ZNF527: variants seen among roughly 807,000 people sequenced by gnomAD.
ZNF527 encodes zinc finger protein 527.
ZNF527 carries 5 observed loss-of-function variants against 13.5 expected under a neutral mutation model. The ratio of observed to expected loss-of-function variants is 0.37; its 90% confidence interval spans 0.19 to 0.78. The LOEUF (loss-of-function observed/expected upper bound fraction) is 0.78, where lower values mean the gene tolerates loss of function less well. ZNF527 is among the 30% of genes least tolerant of loss of function. The probability of loss-of-function intolerance (pLI) is 0.48; values close to 1 mark genes in which losing one functional copy is unlikely to be tolerated. For synonymous variants in ZNF527, 209 were observed against 243.1 expected, an observed-to-expected ratio of 0.86 and a Z score of 1.30; for missense variants, 628 against 726.4, an observed-to-expected ratio of 0.86 and a Z score of 1.56.
chr19:37,375,444 C>T (rs766801299), intron 2 of ZNF527, among the ~76,000 whole-genome samples: 4 of 150,944 alleles, frequency 2.6e-5, no homozygotes, highest in Non-Finnish European at 5.9e-5. Context: ...TCACTGCAGC[C>T]TCTGCCTCCT....
In ZNF527 at chr19:37,374,697, G is replaced by A. The variant is rs545368384; in HGVS notation, c.33+466G>A. Among the ~76,000 whole-genome samples, 122 of 152,356 alleles carry A rather than the reference G, an allele frequency of 8.0e-4. 4 individuals carry two copies. In the South Asian group the frequency reaches 0.023, roughly 29 times the overall value. ...AGGAATAGCAATGAGTCTGTCCTTG[G>A]AGGGAAATGAGCACTGTGATGTCAG... On this transcript the variant is annotated intron_variant, in intron 2 of 4. Transcript: ENST00000436120.
intron 2 of ZNF527, 38 bp from the exon 3 acceptor site, chr19:37,379,082 G>T (rs774262457): frequency 1.2e-6 from 2 of 1,613,846 alleles, no homozygotes; most frequent in South Asian, 2.2e-5. Context: ...CCATATAGGT[G>T]TCTGGGCACC....
intron 4 of ZNF527, 44 bp from the exon 5 acceptor site, chr19:37,388,262 A>T: frequency 6.3e-7 from 1 of 1,576,808 alleles, no homozygotes; most frequent in Non-Finnish European, 8.6e-7. Context: ...TCTTCCTCAT[A>T]GCAAAAGAAC....
At chr19:37,375,740 C>A (rs61290534) in intron 2 of ZNF527, among the ~76,000 whole-genome samples, 12,087 of 151,894 alleles carry the variant, frequency 0.08, 725 homozygotes, top group African/African-American at 0.17. Context: ...GGAAAGAGAT[C>A]GAAGGACTGG....
intron 4 of ZNF527, chr19:37,385,353 C>A (rs1254696308): frequency 2.5e-6 from 1 of 399,926 alleles, no homozygotes; most frequent in Non-Finnish European, 4.4e-6. Context: ...TCACTGTGTT[C>A]TCTGTGTCTT....
chr19:37,391,807 CTTT>C lies in ZNF527; in HGVS notation c.*1932_*1934del, dbSNP rs1195524607. ...GATGAAGGTGTAGGGCAATACGTTT[CTTT>C]TTTATCTGAGTGGATATAGGGAAAT... On this transcript the variant is annotated 3_prime_UTR_variant, in exon 5 of 5. Coordinates refer to ENST00000436120, the MANE Select transcript of ZNF527 (RefSeq NM_032453.2). The C allele has an allele frequency of 6.6e-6, 1 of 152,020 alleles. No individual in the cohort carries two copies. Among genetic ancestry groups the C allele is most frequent in the Non-Finnish European group, 1.5e-5 (1 of 67,986 alleles). 9.4% of individuals were successfully genotyped at this position (152,020 alleles called of 1,614,324 possible).
intron 4 of ZNF527, chr19:37,385,279 A>G (rs1316228304): frequency 2.3e-6 from 1 of 436,882 alleles, no homozygotes; most frequent in African/African-American, 2.0e-5. Flanking sequence ...TTCAAGGTTA[A>G]TGTCAAATTC....
In ZNF527 at chr19:37,378,993, G is replaced by A. The variant is rs887936421; in HGVS notation, c.34-127G>A. On this transcript the variant is annotated intron_variant, in intron 2 of 4. Coordinates refer to ENST00000436120, the MANE Select transcript of ZNF527 (RefSeq NM_032453.2). Reference sequence around the variant, plus strand: ...TAAAGTATTTGACAAACCTCAGCATGTAATTGTTCTCCAATAATTATTTTC... The same window carrying A: ...TAAAGTATTTGACAAACCTCAGCATATAATTGTTCTCCAATAATTATTTTC... 31 of 1,002,798 alleles carry A rather than the reference G, an allele frequency of 3.1e-5. No individual in the cohort carries two copies. The East Asian group carries it at 4.6e-4, about 15-fold the overall frequency. The allele number at this position is 1,002,798 out of a possible 1,614,324, so 62.1% of individuals were successfully genotyped here. A position where few individuals can be genotyped will look rare whatever the true frequency, so the allele number is the denominator to read the frequency against.
At chr19:37,385,750 A>G (rs2040692550) in intron 4 of ZNF527, 1 of 157,136 alleles carries the variant, frequency 6.4e-6, no homozygotes, top group African/African-American at 2.4e-5. Context: ...TCCTTAGAAG[A>G]ATTTCGTAAC....
intron 2 of ZNF527, among the ~76,000 whole-genome samples, chr19:37,377,214 T>A (rs2040615365): frequency 6.6e-6 from 1 of 152,110 alleles, no homozygotes; most frequent in African/African-American, 2.4e-5. Flanking sequence ...GTGAGAATAG[T>A]TGGTAGTAAA....
intron 4 of ZNF527, among the ~76,000 whole-genome samples, chr19:37,384,209 T>C (rs1186792333): frequency 6.6e-6 from 1 of 151,984 alleles, no homozygotes; most frequent in Admixed American, 6.6e-5. Flanking sequence ...TCCCAGCTAC[T>C]CAGAAGGCTG....
chr19:37,380,533 T>C (rs2040645809), intron 4 of ZNF527, among the ~76,000 whole-genome samples, 161 bp downstream of exon 4: 1 of 152,228 alleles, frequency 6.6e-6, no homozygotes, highest in Non-Finnish European at 1.5e-5. Flanking sequence ...TCTTTTTCTT[T>C]CCATCAAATT....
chr19:37,379,078 A>G, intron 2 of ZNF527, 42 bp from the exon 3 acceptor site: 3 of 1,613,676 alleles, frequency 1.9e-6, no homozygotes, highest in Non-Finnish European at 2.5e-6. Context: ...AGGACCATAT[A>G]GGTGTCTGGG....
intron 4 of ZNF527, among the ~76,000 whole-genome samples, chr19:37,381,196 G>C (rs991518477): frequency 6.6e-6 from 1 of 152,016 alleles, no homozygotes; most frequent in Non-Finnish European, 1.5e-5. Flanking sequence ...ATAATGACTT[G>C]GGAATTTTGT....
chr19:37,376,682 CAAAAAAAAAAAA>C (rs35179002), intron 2 of ZNF527, among the ~76,000 whole-genome samples: 9 of 48,540 alleles, frequency 1.9e-4, no homozygotes, highest in African/African-American at 7.7e-4. Context: ...ACTCCATCTC[CAAAAAAAAAAAA>C]AAAAAAAAAA....
At chr19:37,382,631 T>C (rs762729853) in intron 4 of ZNF527, among the ~76,000 whole-genome samples, 2 of 152,252 alleles carry the variant, frequency 1.3e-5, no homozygotes, top group African/African-American at 4.8e-5. Flanking sequence ...TTGTATATAG[T>C]ACTTTTTGTT....
intron 2 of ZNF527, among the ~76,000 whole-genome samples, chr19:37,376,157 A>G (rs1296037466): frequency 6.6e-6 from 1 of 152,016 alleles, no homozygotes; most frequent in Non-Finnish European, 1.5e-5. Context: ...AGGGCAACAC[A>G]GGGAGACTCC....
At chr19:37,376,533 G>C (rs2040609049) in intron 2 of ZNF527, among the ~76,000 whole-genome samples, 1 of 151,854 alleles carries the variant, frequency 6.6e-6, no homozygotes, top group South Asian at 2.1e-4. Flanking sequence ...AATCAGCCAG[G>C]TGTGGTAGCG....
Position 37,391,818 on chromosome 19 carries a change from G to C in ZNF527, c.*1939G>C, listed in dbSNP as rs1009986967. ...AGGGCAATACGTTTCTTTTTTATCT[G>C]AGTGGATATAGGGAAATAAACTGGT... On this transcript the variant is annotated 3_prime_UTR_variant, in exon 5 of 5. Transcript: ENST00000436120. 20 of 152,110 alleles carry C rather than the reference G, an allele frequency of 1.3e-4. No homozygotes were observed. The highest frequency in any genetic ancestry group is 2.4e-4 in the Non-Finnish European group (16 of 68,020). The allele number at this position is 152,110 out of a possible 1,614,324, so 9.4% of individuals were successfully genotyped here.
Sources: gnomAD v4.1 joint callset for allele counts (sites outside exome capture counted in the v4.1 genomes callset) on GRCh38, gnomAD v4.1.1 for gene constraint, MANE v1.5 for transcripts, NCBI Gene and HGNC (gene_info 2026-07-23, HGNC 2026-07-21) for gene names.